The following GPR89B variants were observed in gnomAD, a reference collection of about 807,000 sequenced individuals.
The protein encoded by GPR89B is golgi pH regulator B, also known as G protein-coupled receptor 89B.
A neutral mutation model predicts 52.4 loss-of-function variants in GPR89B; 25 were observed. The observed-to-expected ratio is 0.48, with a 90% CI of 0.35 to 0.67. GPR89B has a LOEUF of 0.67. Among genes scored for constraint, GPR89B ranks in the 30% least tolerant of loss-of-function variants. The probability of loss-of-function intolerance (pLI) is 0.01; values close to 1 mark genes in which losing one functional copy is unlikely to be tolerated. For synonymous variants in GPR89B, 52 were observed against 151.2 expected, an observed-to-expected ratio of 0.34 and a Z score of 4.81; for missense variants, 146 against 450.2, an observed-to-expected ratio of 0.32 and a Z score of 6.11.
At chr1:147,971,905 G>T (rs1657502379) in intron 10 of GPR89B, among the ~76,000 whole-genome samples, 1 of 151,526 alleles carries the variant, frequency 6.6e-6, no homozygotes, top group African/African-American at 2.4e-5. Context: ...CCACGGTCAA[G>T]ACAGAGAACA....
chr1:147,969,843 T>C lies in GPR89B; in HGVS notation c.817-24T>C, dbSNP rs1343431072. 3.9e-5 allele frequency: 51 copies of C among 1,295,680 alleles called. No individual in the cohort carries two copies. In the Admixed American group the frequency reaches 5.7e-4, roughly 15 times the overall value. The allele number at this position is 1,295,680 out of a possible 1,614,324, so 80.3% of individuals were successfully genotyped here. ...TAAATTTATATTTTGCTGAAAACTA[T>C]GTTTTGTGTTTGTTTTCCCCCAGGA... On this transcript the variant is annotated intron_variant, in intron 9 of 13. Transcript: ENST00000314163.
chr1:147,932,966 T>C (rs6593837), intron 1 of GPR89B, among the ~76,000 whole-genome samples: 30 of 152,330 alleles, frequency 2.0e-4, no homozygotes, highest in Admixed American at 1.5e-3. Context: ...CATCTTTCTC[T>C]GTGAAAATAG....
At chr1:148,020,520 C>G in the GPR89B span, among the ~76,000 whole-genome samples, 1 of 151,340 alleles carries the variant, frequency 6.6e-6, no homozygotes, top group African/African-American at 2.5e-5. Context: ...CCCGGGAGAC[C>G]TGGATTCCAT....
At chr1:147,948,756 ATT>A (rs199854363) in intron 5 of GPR89B, among the ~76,000 whole-genome samples, 3,201 of 138,234 alleles carry the variant, frequency 0.023, 109 homozygotes, top group African/African-American at 0.069. Flanking sequence ...AGATAAAATA[ATT>A]TTTTTTTTTT....
At chr1:148,020,735 T>C in the GPR89B span, among the ~76,000 whole-genome samples, 1 of 152,074 alleles carries the variant, frequency 6.6e-6, no homozygotes, top group African/African-American at 2.4e-5. Context: ...CCCCCCAGAT[T>C]GGAGTGCAGT....
At position 147,928,428 on chromosome 1, in the gene GPR89B, G is replaced by C; in HGVS notation, c.-109G>C. On this transcript the variant is annotated 5_prime_UTR_variant, in exon 1 of 14. Transcript: ENST00000314163. ...CGTCGGGCTGGAGAGCCGCAGTCCC[G>C]GCTGCAGCACCTGGGAGAAGGCAGA... 7.4e-7 allele frequency: 1 copy of C among 1,350,082 alleles called. No individual in the cohort carries two copies. Among genetic ancestry groups the C allele is most frequent in the Non-Finnish European group, 1.0e-6 (1 of 962,400 alleles). 83.6% of individuals were successfully genotyped at this position (1,350,082 alleles called of 1,614,324 possible).
intron 7 of GPR89B, among the ~76,000 whole-genome samples, chr1:147,957,482 G>A (rs1356474242): frequency 6.6e-6 from 1 of 151,552 alleles, no homozygotes; most frequent in Non-Finnish European, 1.5e-5. Flanking sequence ...TTCATGCTTT[G>A]CCTTCATTTA....
At chr1:147,978,140 AT>A (rs1266212269) in intron 10 of GPR89B, among the ~76,000 whole-genome samples, 10 of 150,856 alleles carry the variant, frequency 6.6e-5, no homozygotes, top group Non-Finnish European at 1.5e-5. Context: ...TCTACCTTCG[AT>A]TTTTGAGGCT....
chr1:148,000,373 T>A, the GPR89B span, among the ~76,000 whole-genome samples: 1 of 151,246 alleles, frequency 6.6e-6, no homozygotes, highest in African/African-American at 2.5e-5. Flanking sequence ...CTAGGTATGA[T>A]TGTTCAAGTA....
intron 1 of GPR89B, chr1:147,928,815 T>C (rs1451309799): frequency 3.7e-6 from 1 of 266,802 alleles, no homozygotes; most frequent in Non-Finnish European, 5.8e-6. Context: ...TCCCCGGAAT[T>C]TCGGTCCACT....
the GPR89B span, among the ~76,000 whole-genome samples, chr1:148,019,464 C>T: frequency 1.4e-4 from 22 of 152,024 alleles, no homozygotes; most frequent in East Asian, 4.1e-3. Context: ...GAAAGAGTAG[C>T]TAATGGATGC....
intron 5 of GPR89B, among the ~76,000 whole-genome samples, chr1:147,950,435 T>G (rs1185462983): frequency 6.7e-6 from 1 of 149,460 alleles, no homozygotes; most frequent in African/African-American, 2.5e-5. Flanking sequence ...GCAGAGACGC[T>G]CCTCACTTTC....
intron 10 of GPR89B, among the ~76,000 whole-genome samples, chr1:147,971,464 C>CTTTTTTTTTTT (rs1196935183): frequency 5.7e-5 from 4 of 70,256 alleles, no homozygotes; most frequent in African/African-American, 1.2e-4. Context: ...GGAAGCATGT[C>CTTTTTTTTTTT]TTTTTTTTTT....
At chr1:148,025,031 G>A in the GPR89B span, among the ~76,000 whole-genome samples, 26 of 151,990 alleles carry the variant, frequency 1.7e-4, no homozygotes, top group African/African-American at 6.0e-4. Flanking sequence ...GCAATCAGGT[G>A]TTGTCCTTAA....
At chr1:147,950,798 T>C (rs1437186281) in intron 5 of GPR89B, among the ~76,000 whole-genome samples, 15 of 152,132 alleles carry the variant, frequency 9.9e-5, no homozygotes, top group African/African-American at 2.7e-4. Context: ...TCAGGCGTGG[T>C]GGCGCACGCC....
chr1:148,014,610 C>G, the GPR89B span: 1 of 152,032 alleles, frequency 6.6e-6, no homozygotes, highest in Admixed American at 6.5e-5. Flanking sequence ...AGCCTACTCT[C>G]CCCTGGCCGA....
At chr1:147,938,872 A>G (rs1465537288) in intron 3 of GPR89B, 55 bp downstream of exon 3, 7 of 1,533,530 alleles carry the variant, frequency 4.6e-6, no homozygotes, top group South Asian at 3.6e-5. Flanking sequence ...CATTCTTTAC[A>G]GTGGAAAAGC....
downstream of GPR89B, chr1:147,995,974 A>C (rs1358151821): frequency 1.6e-6 from 2 of 1,235,422 alleles, no homozygotes; most frequent in African/African-American, 3.0e-5. Flanking sequence ...GAGGAGCTCA[A>C]GAATTTATTT....
intron 9 of GPR89B, chr1:147,969,483 A>C (rs1235677816): frequency 5.2e-6 from 1 of 191,548 alleles, no homozygotes; most frequent in African/African-American, 2.4e-5. Flanking sequence ...ACTTTACAGG[A>C]GTAACCTTAT....
Sources: gnomAD v4.1 joint callset for allele counts (sites outside exome capture counted in the v4.1 genomes callset) on GRCh38, gnomAD v4.1.1 for gene constraint, MANE v1.5 for transcripts, NCBI Gene and HGNC (gene_info 2026-07-23, HGNC 2026-07-21) for gene names.